Variants in STXBP5L observed in about 807,000 individuals in gnomAD.
STXBP5L encodes the protein syntaxin-binding protein 5-like.
A neutral mutation model predicts 144.5 loss-of-function variants in STXBP5L; 65 were observed. The observed-to-expected ratio is 0.45, with a 90% CI of 0.37 to 0.55. The LOEUF is 0.55. Among genes scored for constraint, STXBP5L ranks in the 20% least tolerant of loss-of-function variants. The probability of loss-of-function intolerance (pLI) is 0.00; values close to 1 mark genes in which losing one functional copy is unlikely to be tolerated. For synonymous variants in STXBP5L, 505 were observed against 469.6 expected (o/e 1.08, Z -0.97); for missense variants, 1,298 against 1,405.5 (o/e 0.92, Z 1.22).
chr3:121,030,712 C>T (rs530437876), intron 3 of STXBP5L, among the ~76,000 whole-genome samples: 2 of 152,022 alleles, frequency 1.3e-5, no homozygotes, highest in Non-Finnish European at 2.9e-5. Context: ...CCAGGCCCCA[C>T]CCTAGAACTA....
chr3:121,332,494 C>T (rs1307338321), intron 20 of STXBP5L, among the ~76,000 whole-genome samples: 1 of 148,020 alleles, frequency 6.8e-6, no homozygotes, highest in African/African-American at 2.5e-5. Context: ...TAACAGTAGA[C>T]TAGACCAAGT....
chr3:121,142,719 C>G (rs2045556866), intron 7 of STXBP5L, among the ~76,000 whole-genome samples: 1 of 151,806 alleles, frequency 6.6e-6, no homozygotes, highest in Non-Finnish European at 1.5e-5. Flanking sequence ...AAAACACACT[C>G]TACCAAAAAT....
chr3:121,260,945 G>T (rs2050363703), intron 18 of STXBP5L, among the ~76,000 whole-genome samples: 1 of 152,130 alleles, frequency 6.6e-6, no homozygotes, highest in Non-Finnish European at 1.5e-5. Flanking sequence ...TGGATGATGG[G>T]AGAGAAGGAA....
intron 19 of STXBP5L, among the ~76,000 whole-genome samples, chr3:121,310,696 G>A (rs759272342): frequency 6.6e-6 from 1 of 151,718 alleles, no homozygotes; most frequent in Admixed American, 6.6e-5. Context: ...ACCACTGGAG[G>A]TCAGGAGTTT....
At chr3:121,403,368 TATACTC>T (rs1485651130) in intron 22 of STXBP5L, among the ~76,000 whole-genome samples, 12 of 152,152 alleles carry the variant, frequency 7.9e-5, no homozygotes, top group African/African-American at 2.7e-4. Context: ...ATATTCCACT[TATACTC>T]TAGACTCTGT....
chr3:121,001,507 C>A (rs1049512500), intron 3 of STXBP5L, among the ~76,000 whole-genome samples: 1 of 152,198 alleles, frequency 6.6e-6, no homozygotes, highest in Non-Finnish European at 1.5e-5. Flanking sequence ...TGCTCCACTG[C>A]AGCCATTCCC....
intron 5 of STXBP5L, among the ~76,000 whole-genome samples, chr3:121,107,651 C>T (rs1017172073): frequency 6.6e-6 from 1 of 152,110 alleles, no homozygotes; most frequent in Non-Finnish European, 1.5e-5. Context: ...ATCATGGTGC[C>T]TGCAGCTTTC....
intron 3 of STXBP5L, among the ~76,000 whole-genome samples, chr3:120,977,795 C>A: frequency 6.6e-6 from 1 of 152,154 alleles, no homozygotes; most frequent in Non-Finnish European, 1.5e-5. Flanking sequence ...ATTTCTCCTT[C>A]ATTTATGAAG....
chr3:121,022,491 A>G (rs565189487), intron 3 of STXBP5L, among the ~76,000 whole-genome samples: 1 of 152,222 alleles, frequency 6.6e-6, no homozygotes, highest in Non-Finnish European at 1.5e-5. Flanking sequence ...CCTGATTAAC[A>G]TAGATGCAAA....
At chr3:120,917,002 A>G (rs1372769104) in intron 2 of STXBP5L, among the ~76,000 whole-genome samples, 1 of 152,182 alleles carries the variant, frequency 6.6e-6, no homozygotes, top group African/African-American at 2.4e-5. Context: ...CAGTTGGTAA[A>G]CATCCATGTA....
At chr3:121,361,378 TCTACTC>T (rs1254397593) in intron 20 of STXBP5L, among the ~76,000 whole-genome samples, 2 of 152,180 alleles carry the variant, frequency 1.3e-5, no homozygotes, top group African/African-American at 4.8e-5. Flanking sequence ...GAATAAAACT[TCTACTC>T]CTATCTCCTT....
At chr3:121,416,471 T>TTTTATTTA (rs140767929) in intron 25 of STXBP5L, among the ~76,000 whole-genome samples, 1 of 137,834 alleles carries the variant, frequency 7.3e-6, no homozygotes, top group African/African-American at 2.6e-5. Flanking sequence ...ACTGGTAGAT[T>TTTTATTTA]TTTATTTATT....
chr3:121,360,083 A>G lies in STXBP5L; in HGVS notation c.2177-18633A>G, dbSNP rs568407903. Among the ~76,000 whole-genome samples, 26 of 142,802 alleles carry G rather than the reference A, an allele frequency of 1.8e-4. No homozygotes were observed. The South Asian group carries it at 5.6e-3, about 31-fold the overall frequency. 93.7% of individuals were successfully genotyped at this position (142,802 alleles called of 152,430 possible). A position where few individuals can be genotyped will look rare whatever the true frequency, so the allele number is the denominator to read the frequency against. The stretch of plus-strand genomic sequence containing the variant: ...ATATATAATATATATAGGTGTTCCC[A>G]TATTGGGTACATATGTATTTTAAAA... On this transcript the variant is annotated intron_variant, in intron 20 of 26. Transcript: ENST00000471454.
chr3:121,017,415 C>T (rs1038113602), intron 3 of STXBP5L, among the ~76,000 whole-genome samples: 1 of 152,222 alleles, frequency 6.6e-6, no homozygotes, highest in Non-Finnish European at 1.5e-5. Flanking sequence ...TTCTATTTAA[C>T]ATCTTAGTGG....
chr3:121,345,035 G>A (rs1407944497), intron 20 of STXBP5L, among the ~76,000 whole-genome samples: 4 of 151,648 alleles, frequency 2.6e-5, no homozygotes, highest in Non-Finnish European at 4.4e-5. Flanking sequence ...TAAACTTTAA[G>A]TTCTAGGGTA....
chr3:121,001,840 CAGTG>C (rs1336855737), intron 3 of STXBP5L, among the ~76,000 whole-genome samples: 5 of 152,170 alleles, frequency 3.3e-5, no homozygotes, highest in African/African-American at 1.2e-4. Flanking sequence ...TCTGGCCACT[CAGTG>C]AGAGAAGCTC....
rs578130069 is a variant in STXBP5L, at chr3:121,126,301, C to T, written c.669+4597C>T. Among the ~76,000 whole-genome samples the T allele has an allele frequency of 3.3e-5, 5 of 152,276 alleles. No individual in the cohort carries two copies. The South Asian group carries it at 1.0e-3, about 32-fold the overall frequency. On this transcript the variant is annotated intron_variant, in intron 7 of 26. Coordinates refer to ENST00000471454, the MANE Select transcript of STXBP5L (RefSeq NM_001308330.2). ...ACATATGTCTGTGGCTGCTTTCTTG[C>T]TGTAAGAGTAAAGCTGAGCAGTTGG...
chr3:121,139,538 A>T (rs1224262437), intron 7 of STXBP5L, among the ~76,000 whole-genome samples: 1 of 152,086 alleles, frequency 6.6e-6, no homozygotes, highest in Non-Finnish European at 1.5e-5. Context: ...GCTCAGAGTC[A>T]ATGCTCTTAA....
chr3:120,984,456 CTGCA>C (rs1942093675), intron 3 of STXBP5L, among the ~76,000 whole-genome samples: 1 of 151,916 alleles, frequency 6.6e-6, no homozygotes, highest in South Asian at 2.1e-4. Flanking sequence ...CTGAGATCTC[CTGCA>C]TGCTGACTTT....
Sources: allele counts gnomAD v4.1 joint callset (sites outside exome capture counted in the v4.1 genomes callset), GRCh38; gene constraint gnomAD v4.1.1; transcripts MANE v1.5; gene names NCBI Gene and HGNC (gene_info 2026-07-23, HGNC 2026-07-21).